DGKB: variants seen among roughly 807,000 people sequenced by gnomAD.
The protein encoded by DGKB is 90 kDa diacylglycerol kinase.
DGKB carries 67 observed loss-of-function variants against 114.3 expected under a neutral mutation model. The observed-to-expected ratio is 0.59, with a 90% confidence interval of 0.48 to 0.72. The LOEUF (loss-of-function observed/expected upper bound fraction) is 0.72, where lower values mean the gene tolerates loss of function less well. Ranked by LOEUF, DGKB falls within the 30% of genes least tolerant of loss-of-function variation. The probability of loss-of-function intolerance (pLI) is 0.00; values close to 1 mark genes in which losing one functional copy is unlikely to be tolerated. For synonymous variants in DGKB, 398 were observed against 323.1 expected (o/e 1.23, Z -2.49); for missense variants, 907 against 975.2 (o/e 0.93, Z 0.93).
chr7:14,752,324 AG>A (rs1331499992), intron 4 of DGKB, among the ~76,000 whole-genome samples: 2 of 127,930 alleles, frequency 1.6e-5, no homozygotes, highest in African/African-American at 8.5e-5. Flanking sequence ...TTGAATCCCC[AG>A]GTTCCTTATT....
intron 23 of DGKB, among the ~76,000 whole-genome samples, chr7:14,232,423 T>C (rs1792048849): frequency 6.8e-6 from 1 of 146,538 alleles, no homozygotes; most frequent in African/African-American, 2.7e-5. Context: ...GGTTGGCTTA[T>C]TATTATTATT....
chr7:14,601,980 C>T (rs953300078), intron 17 of DGKB, among the ~76,000 whole-genome samples: 2 of 152,040 alleles, frequency 1.3e-5, no homozygotes, highest in East Asian at 1.9e-4. Context: ...TCCTCCTCCT[C>T]TTTCTCCTCC....
At chr7:14,583,554 G>T (rs184166908) in intron 17 of DGKB, among the ~76,000 whole-genome samples, 1 of 152,140 alleles carries the variant, frequency 6.6e-6, no homozygotes, top group South Asian at 2.1e-4. Flanking sequence ...AAATGTGACA[G>T]TTATGTCAGT....
intron 23 of DGKB, among the ~76,000 whole-genome samples, chr7:14,210,745 C>G (rs1787627684): frequency 1.3e-5 from 2 of 152,026 alleles, no homozygotes; most frequent in South Asian, 4.1e-4. Context: ...TCACCTAATG[C>G]AGAGAAAATC....
At chr7:14,952,776 A>C (rs1214380763) in intron 1 of DGKB, among the ~76,000 whole-genome samples, 2 of 151,998 alleles carry the variant, frequency 1.3e-5, no homozygotes, top group East Asian at 3.9e-4. Flanking sequence ...ACAAAAATAA[A>C]ATAAAATAAA....
intron 21 of DGKB, among the ~76,000 whole-genome samples, chr7:14,447,081 G>A (rs934114545): frequency 6.6e-6 from 1 of 152,090 alleles, no homozygotes; most frequent in South Asian, 2.1e-4. Flanking sequence ...AAACCCTGTG[G>A]GTTTCACTTA....
At chr7:14,475,966 T>C (rs1335332144) in intron 21 of DGKB, among the ~76,000 whole-genome samples, 1 of 152,080 alleles carries the variant, frequency 6.6e-6, no homozygotes, top group Non-Finnish European at 1.5e-5. Context: ...TTCTTACACA[T>C]AGGTTGTCAA....
chr7:14,485,661 G>A (rs950756518), intron 20 of DGKB, among the ~76,000 whole-genome samples: 5 of 152,056 alleles, frequency 3.3e-5, no homozygotes, highest in African/African-American at 9.6e-5. Flanking sequence ...CACTTTGGGA[G>A]ACTGAGACAG....
chr7:14,338,722 A>G lies in DGKB; in HGVS notation c.1927-12T>C, dbSNP rs530121474. 22 of 1,402,248 alleles carry G rather than the reference A, an allele frequency of 1.6e-5. No homozygotes were observed. The South Asian group carries it at 3.2e-4, about 20-fold the overall frequency. The allele number at this position is 1,402,248 out of a possible 1,614,324, so 86.9% of individuals were successfully genotyped here. On this transcript the variant is annotated splice_polypyrimidine_tract_variant and intron_variant, in intron 22 of 25. Coordinates refer to ENST00000402815, the MANE Select transcript of DGKB (RefSeq NM_001350709.2). ...TGTACTCCATCACACTGATCGGTAA[A>G]AAGAAAGAAACAGAAACGGAATATT...
At chr7:14,949,255 G>A (rs376684098) in intron 1 of DGKB, among the ~76,000 whole-genome samples, 7 of 151,834 alleles carry the variant, frequency 4.6e-5, no homozygotes, top group South Asian at 2.1e-4. Context: ...TACACTCATC[G>A]CCTAAGCAAG....
intron 2 of DGKB, among the ~76,000 whole-genome samples, chr7:14,801,777 T>G (rs1036785956): frequency 2.0e-5 from 3 of 152,000 alleles, no homozygotes; most frequent in African/African-American, 7.2e-5. Flanking sequence ...CTCCATAATC[T>G]TATTAGCCTA....
chr7:14,368,554 G>C (rs1647788130), intron 21 of DGKB, among the ~76,000 whole-genome samples: 1 of 149,666 alleles, frequency 6.7e-6, no homozygotes, highest in Admixed American at 6.7e-5. Context: ...TGAAGAAACA[G>C]ATGCAAACGG....
chr7:14,564,820 A>G (rs1797158853), intron 20 of DGKB, among the ~76,000 whole-genome samples: 1 of 151,312 alleles, frequency 6.6e-6, no homozygotes, highest in Non-Finnish European at 1.5e-5. Flanking sequence ...TTCATTGGCC[A>G]TTGTTTTCCA....
At chr7:14,949,993 C>T (rs1786096111) in intron 1 of DGKB, among the ~76,000 whole-genome samples, 1 of 151,636 alleles carries the variant, frequency 6.6e-6, no homozygotes, top group Non-Finnish European at 1.5e-5. Context: ...AGGAGATATA[C>T]CTAATGTAAA....
intron 7 of DGKB, among the ~76,000 whole-genome samples, chr7:14,700,403 G>A (rs753839053): frequency 1.3e-5 from 2 of 151,922 alleles, no homozygotes; most frequent in South Asian, 2.1e-4. Context: ...TAGTAGAGAC[G>A]GGGTTTCACC....
intron 23 of DGKB, among the ~76,000 whole-genome samples, chr7:14,240,868 C>G (rs1397426996): frequency 6.6e-6 from 1 of 152,008 alleles, no homozygotes; most frequent in Non-Finnish European, 1.5e-5. Flanking sequence ...ACAGAGGTAT[C>G]TGAAAATGTT....
At chr7:14,667,687 C>G (rs1397858775) in intron 13 of DGKB, among the ~76,000 whole-genome samples, 4 of 152,068 alleles carry the variant, frequency 2.6e-5, no homozygotes, top group African/African-American at 9.7e-5. Context: ...ACTGAAAGTT[C>G]GCAGACTGAA....
chr7:14,322,638 G>A (rs1808032873), intron 23 of DGKB, among the ~76,000 whole-genome samples: 1 of 152,102 alleles, frequency 6.6e-6, no homozygotes, highest in African/African-American at 2.4e-5. Flanking sequence ...AAGACATTCT[G>A]ATGTTTAAGA....
At position 14,661,028 on chromosome 7, in the gene DGKB, C is replaced by T. The variant is rs571604545; in HGVS notation, c.1134+11901G>A. Reference sequence around the variant, plus strand: ...TTAGAAAGCTGAAACTGGATCCCTTCCTTACACCTTATACAAAAATCAATT... The same window carrying T: ...TTAGAAAGCTGAAACTGGATCCCTTTCTTACACCTTATACAAAAATCAATT... On this transcript the variant is annotated intron_variant, in intron 13 of 25. Transcript: ENST00000402815. 1.9e-4 allele frequency among the ~76,000 whole-genome samples: 28 copies of T among 149,736 alleles called. No homozygotes were observed. The East Asian group carries it at 5.4e-3, about 29-fold the overall frequency.
Sources: allele counts gnomAD v4.1 joint callset (sites outside exome capture counted in the v4.1 genomes callset), GRCh38; gene constraint gnomAD v4.1.1; transcripts MANE v1.5; gene names NCBI Gene and HGNC (gene_info 2026-07-23, HGNC 2026-07-21).